SLX4IP: variants seen among roughly 807,000 people sequenced by gnomAD.
The protein encoded by SLX4IP is SLX4 interacting protein, also known as protein SLX4IP.
SLX4IP carries 34 observed loss-of-function variants against 32.9 expected under a neutral mutation model. The observed-to-expected ratio is 1.03, with a 90% confidence interval of 0.79 to 1.38. SLX4IP has a LOEUF of 1.38. Among genes scored for constraint, SLX4IP ranks in the 40% most tolerant of loss-of-function variants. The pLI is 0.00. For missense variants in SLX4IP, 444 were observed against 479.0 expected (o/e 0.93, Z 0.68); for synonymous variants, 172 against 171.7 (o/e 1.00, Z -0.01).
intron 1 of SLX4IP, among the ~76,000 whole-genome samples, chr20:10,455,606 T>TATTTA (rs2065278515): frequency 6.7e-6 from 1 of 149,496 alleles, no homozygotes; most frequent in African/African-American, 2.5e-5. Flanking sequence ...TTTATTTATT[T>TATTTA]ATTTATTTAT....
chr20:10,599,339 A>G (rs184401217), intron 5 of SLX4IP, among the ~76,000 whole-genome samples: 1 of 152,216 alleles, frequency 6.6e-6, no homozygotes, highest in Non-Finnish European at 1.5e-5. Flanking sequence ...AACTTTAAAA[A>G]ATTAACATAT....
chr20:10,509,736 G>T (rs1323227843), intron 2 of SLX4IP, among the ~76,000 whole-genome samples: 1 of 149,628 alleles, frequency 6.7e-6, no homozygotes, highest in Non-Finnish European at 1.5e-5. Context: ...TCACTTTCTT[G>T]CCCAGGCTGG....
intron 2 of SLX4IP, among the ~76,000 whole-genome samples, chr20:10,525,709 A>G (rs2065935147): frequency 6.6e-6 from 1 of 152,182 alleles, no homozygotes; most frequent in South Asian, 2.1e-4. Flanking sequence ...CCCATCAGGT[A>G]ATGGACCAGC....
At chr20:10,453,729 A>G (rs1267075516) in intron 1 of SLX4IP, among the ~76,000 whole-genome samples, 1 of 127,322 alleles carries the variant, frequency 7.9e-6, no homozygotes, top group East Asian at 2.0e-4. Context: ...CTACCCCCCA[A>G]CGCACTTAAA....
chr20:10,471,829 A>G (rs150068933), intron 2 of SLX4IP, among the ~76,000 whole-genome samples: 1 of 152,314 alleles, frequency 6.6e-6, no homozygotes, highest in Non-Finnish European at 1.5e-5. Flanking sequence ...GACTTCACTC[A>G]CATGTTTAGT....
At chr20:10,524,263 T>C (rs1484593158) in intron 2 of SLX4IP, among the ~76,000 whole-genome samples, 1 of 152,244 alleles carries the variant, frequency 6.6e-6, no homozygotes, top group Non-Finnish European at 1.5e-5. Context: ...AGGAGGACCC[T>C]TGGCAGCGTT....
chr20:10,583,839 C>T (rs1174859238), intron 4 of SLX4IP, among the ~76,000 whole-genome samples: 2 of 152,078 alleles, frequency 1.3e-5, no homozygotes, highest in African/African-American at 4.8e-5. Context: ...TTAAGCAAAA[C>T]AAAATTTAAA....
At chr20:10,594,003 G>A (rs1433955724) in intron 4 of SLX4IP, among the ~76,000 whole-genome samples, 1 of 152,224 alleles carries the variant, frequency 6.6e-6, no homozygotes, top group Non-Finnish European at 1.5e-5. Context: ...TGTAATAATA[G>A]TGTCGTGGTG....
chr20:10,447,980 C>T (rs1330642081), intron 1 of SLX4IP, among the ~76,000 whole-genome samples: 4 of 151,436 alleles, frequency 2.6e-5, no homozygotes, highest in African/African-American at 4.9e-5. Flanking sequence ...CCTGAGATTA[C>T]AGGTGTGAGC....
intron 2 of SLX4IP, among the ~76,000 whole-genome samples, chr20:10,497,162 G>A (rs2065674789): frequency 6.6e-6 from 1 of 152,080 alleles, no homozygotes; most frequent in South Asian, 2.1e-4. Flanking sequence ...GACTGTGGGA[G>A]TCTGTCCCTC....
rs1182460140 is a variant in SLX4IP at position 10,623,159 on chromosome 20, C to T, written c.1007C>T (p.Ala336Val). Residue 336 changes from alanine to valine, a missense_variant, in exon 8 of 8, where the codon GCT becomes GTT. By Grantham distance (64) the Ala-to-Val change is moderately conservative (BLOSUM62 0). Transcript: ENST00000334534. ...AGCAAAGCTGTCAGGGTTTTGCCAG[C>T]TTCAGAGTTGTCAGATCCAGGGTTA... The part of the protein sequence containing the change: ...EKSKAVRVLP[A>V]SELSDPGLLL... 1 of 1,614,028 alleles carries T rather than the reference C, an allele frequency of 6.2e-7. No individual in the cohort carries two copies. Among genetic ancestry groups the T allele is most frequent in the Non-Finnish European group, 8.5e-7 (1 of 1,180,040 alleles).
At chr20:10,465,117 G>T (rs1002039051) in intron 2 of SLX4IP, among the ~76,000 whole-genome samples, 1 of 152,222 alleles carries the variant, frequency 6.6e-6, no homozygotes, top group Non-Finnish European at 1.5e-5. Context: ...CTGTACTTCA[G>T]TGAGTGACTC....
At chr20:10,574,751 T>G (rs1164804474) in intron 4 of SLX4IP, among the ~76,000 whole-genome samples, 1 of 152,116 alleles carries the variant, frequency 6.6e-6, no homozygotes, top group Non-Finnish European at 1.5e-5. Context: ...CAGCTCACTG[T>G]AACCACCACC....
chr20:10,594,549 C>A (rs2066747925), intron 4 of SLX4IP, among the ~76,000 whole-genome samples: 2 of 152,190 alleles, frequency 1.3e-5, no homozygotes, highest in Non-Finnish European at 2.9e-5. Context: ...CCCTGGAAAA[C>A]AAGTGAGGCT....
rs1348535502 is a variant in SLX4IP, at chr20:10,518,459, CTTCCTTTCCTTTCTTTTCCT to C, written c.28-37759_28-37740del. 3.5e-4 allele frequency among the ~76,000 whole-genome samples: 15 copies of C among 42,860 alleles called. 1 individual carries two copies. Among genetic ancestry groups the C allele is most frequent in the Admixed American group, 1.2e-3 (5 of 4,036 alleles). 28.1% of individuals were successfully genotyped at this position (42,860 alleles called of 152,430 possible). On this transcript the variant is annotated intron_variant, in intron 2 of 7. Transcript: ENST00000334534. ...TCCTTCTTCCTTCCTTCCTTCCTTC[CTTCCTTTCCTTTCTTTTCCT>C]TTCCTTTCCTTTTCCTTCCTTCCTT... is the stretch of plus-strand genomic sequence containing the variant.
chr20:10,484,611 A>T (rs1258900378), intron 2 of SLX4IP, among the ~76,000 whole-genome samples: 2 of 152,142 alleles, frequency 1.3e-5, no homozygotes, highest in Non-Finnish European at 2.9e-5. Flanking sequence ...TTCGTTTCAC[A>T]TCTCCAGTTT....
intron 2 of SLX4IP, among the ~76,000 whole-genome samples, chr20:10,537,760 T>C (rs2066061134): frequency 6.6e-6 from 1 of 152,148 alleles, no homozygotes; most frequent in Non-Finnish European, 1.5e-5. Context: ...CCCATGCAAA[T>C]TACCCAAAAT....
At chr20:10,569,387 T>C (rs2066435147) in intron 4 of SLX4IP, among the ~76,000 whole-genome samples, 1 of 152,090 alleles carries the variant, frequency 6.6e-6, no homozygotes, top group Non-Finnish European at 1.5e-5. Flanking sequence ...GGTTTCACCA[T>C]GTTGGCCAGG....
intron 6 of SLX4IP, among the ~76,000 whole-genome samples, chr20:10,603,369 TG>T (rs747066974): frequency 4.6e-5 from 7 of 152,242 alleles, no homozygotes; most frequent in African/African-American, 9.6e-5. Flanking sequence ...CTATACCGGC[TG>T]TCATATAAAT....
Sources: allele counts gnomAD v4.1 joint callset (sites outside exome capture counted in the v4.1 genomes callset), GRCh38; gene constraint gnomAD v4.1.1; transcripts MANE v1.5; gene names NCBI Gene and HGNC (gene_info 2026-07-23, HGNC 2026-07-21).